GLIS3: variants seen among roughly 807,000 people sequenced by gnomAD.
The protein encoded by GLIS3 is GLIS family zinc finger 3.
In GLIS3, 53 loss-of-function variants were observed where a neutral mutation model predicts 78.6. That is an observed-to-expected ratio of 0.67 (90% CI 0.54 to 0.85). The LOEUF (loss-of-function observed/expected upper bound fraction) is 0.85, where lower values mean the gene tolerates loss of function less well. Ranked by LOEUF, GLIS3 falls within the 40% of genes least tolerant of loss-of-function variation. The pLI is 0.00. For missense variants in GLIS3, 1,703 were observed against 1,231.1 expected, an observed-to-expected ratio of 1.38 and a Z score of -5.74; for synonymous variants, 684 against 509.9, an observed-to-expected ratio of 1.34 and a Z score of -4.60.
chr9:4,331,700 C>A (rs79324777), intron 2 of GLIS3, among the ~76,000 whole-genome samples: 2 of 152,288 alleles, frequency 1.3e-5, no homozygotes, highest in East Asian at 3.9e-4. Context: ...AAGGCAGGCA[C>A]TGGTCACAGA....
chr9:4,357,047 G>A, the GLIS3 span, among the ~76,000 whole-genome samples: 1 of 152,196 alleles, frequency 6.6e-6, no homozygotes, highest in African/African-American at 2.4e-5. Context: ...ATATTAGTGA[G>A]TTTACTTATA....
intron 2 of GLIS3, among the ~76,000 whole-genome samples, chr9:4,224,892 G>A (rs1479629480): frequency 6.6e-6 from 1 of 151,438 alleles, no homozygotes; most frequent in Non-Finnish European, 1.5e-5. Context: ...GTAATGTTCT[G>A]GTATACATAA....
At chr9:3,923,320 C>T (rs1221101689) in intron 6 of GLIS3, among the ~76,000 whole-genome samples, 1 of 152,164 alleles carries the variant, frequency 6.6e-6, no homozygotes, top group Non-Finnish European at 1.5e-5. Flanking sequence ...TACCTCAATG[C>T]CTATCTCAAT....
the GLIS3 span, among the ~76,000 whole-genome samples, chr9:4,396,519 G>A: frequency 6.6e-6 from 1 of 152,152 alleles, no homozygotes; most frequent in East Asian, 1.9e-4. Context: ...ACTCTGGACT[G>A]ATTACTTTGA....
At chr9:4,188,494 G>T (rs1290879220) in intron 2 of GLIS3, among the ~76,000 whole-genome samples, 7 of 150,466 alleles carry the variant, frequency 4.7e-5, no homozygotes, top group Non-Finnish European at 1.0e-4. Context: ...TTGGTATCAG[G>T]ATGATGCTGG....
chr9:4,325,040 G>A (rs768892772), intron 2 of GLIS3, among the ~76,000 whole-genome samples: 12 of 152,078 alleles, frequency 7.9e-5, no homozygotes, highest in Non-Finnish European at 1.5e-4. Flanking sequence ...ACAGTTAATT[G>A]CTGAGACCAC....
intron 2 of GLIS3, among the ~76,000 whole-genome samples, chr9:4,213,641 A>C (rs983920536): frequency 2.6e-5 from 4 of 152,230 alleles, no homozygotes; most frequent in Non-Finnish European, 5.9e-5. Flanking sequence ...ACTAGACATT[A>C]CATTTTGTAA....
chr9:4,365,425 C>T, the GLIS3 span, among the ~76,000 whole-genome samples: 5 of 151,824 alleles, frequency 3.3e-5, no homozygotes, highest in African/African-American at 9.7e-5. Context: ...GGCATGGTGG[C>T]GGGTGCCTAT....
intron 7 of GLIS3, chr9:3,898,286 A>G (rs1823010510): frequency 3.7e-6 from 1 of 266,898 alleles, no homozygotes; most frequent in African/African-American, 2.2e-5. Context: ...AAATTTCCTT[A>G]GAGACCTGGG....
intron 2 of GLIS3, among the ~76,000 whole-genome samples, chr9:4,183,890 C>T (rs527786596): frequency 6.6e-6 from 1 of 152,060 alleles, no homozygotes; most frequent in Non-Finnish European, 1.5e-5. Context: ...ATAAATGATC[C>T]TTCTAATATA....
chr9:3,981,192 C>T (rs993674722), intron 4 of GLIS3, among the ~76,000 whole-genome samples: 2 of 152,154 alleles, frequency 1.3e-5, no homozygotes, highest in African/African-American at 4.8e-5. Context: ...TCTACTGGGA[C>T]ATTTTTAAAA....
intron 2 of GLIS3, among the ~76,000 whole-genome samples, chr9:4,195,506 A>T (rs574378367): frequency 6.6e-6 from 1 of 152,266 alleles, no homozygotes; most frequent in Admixed American, 6.5e-5. Context: ...CCGCGCTCGA[A>T]TTCTCGCCGG....
intron 1 of GLIS3, among the ~76,000 whole-genome samples, chr9:4,295,583 A>T (rs10758594): frequency 6.6e-6 from 1 of 151,936 alleles, no homozygotes; most frequent in Non-Finnish European, 1.5e-5. Context: ...CAAAACTAAT[A>T]TATCTGTTAG....
intron 1 of GLIS3, among the ~76,000 whole-genome samples, chr9:4,292,279 G>A (rs1286489292): frequency 6.6e-6 from 1 of 152,094 alleles, no homozygotes; most frequent in African/African-American, 2.4e-5. Flanking sequence ...AGAAGCTATT[G>A]GAGTGCATCA....
the GLIS3 span, among the ~76,000 whole-genome samples, chr9:4,480,476 T>C: frequency 1.5e-3 from 232 of 152,206 alleles, 1 homozygote; most frequent in African/African-American, 5.4e-3. Flanking sequence ...GCTAGGATTA[T>C]AGGCATGGGC....
chr9:4,341,069 T>C (rs1434413645), intron 2 of GLIS3, among the ~76,000 whole-genome samples: 1 of 152,206 alleles, frequency 6.6e-6, no homozygotes, highest in African/African-American at 2.4e-5. Flanking sequence ...TTCCCTCTAA[T>C]CCAAATGATC....
chr9:4,116,919 G>A (rs1034229640), intron 4 of GLIS3, among the ~76,000 whole-genome samples: 1 of 152,128 alleles, frequency 6.6e-6, no homozygotes, highest in Admixed American at 6.5e-5. Context: ...TGATCCCAAG[G>A]GTGATGCCCT....
intron 4 of GLIS3, among the ~76,000 whole-genome samples, chr9:4,010,667 G>C (rs781149045): frequency 1.4e-4 from 21 of 152,180 alleles, no homozygotes; most frequent in Non-Finnish European, 2.8e-4. Context: ...ATCATCTGTG[G>C]CTCTTTCCTT....
chr9:4,229,407 T>G (rs1281505861), intron 2 of GLIS3, among the ~76,000 whole-genome samples: 2 of 152,232 alleles, frequency 1.3e-5, no homozygotes, highest in African/African-American at 4.8e-5. Context: ...TTTGGTTGGT[T>G]AGCATGACCA....
Sources: allele counts gnomAD v4.1 joint callset (sites outside exome capture counted in the v4.1 genomes callset), GRCh38; gene constraint gnomAD v4.1.1; transcripts MANE v1.5; gene names NCBI Gene and HGNC (gene_info 2026-07-23, HGNC 2026-07-21).